Variants in ZNF569 observed in about 807,000 individuals in gnomAD.
The protein encoded by ZNF569 is zinc finger protein 569, also known as DNA-binding protein.
In ZNF569, 38 loss-of-function variants were observed where a neutral mutation model predicts 56.3. That is an observed-to-expected ratio of 0.68 (90% CI 0.52 to 0.88). The LOEUF is 0.88. Among genes scored for constraint, ZNF569 ranks in the 40% least tolerant of loss-of-function variants. The probability of loss-of-function intolerance (pLI) is 0.00; values close to 1 mark genes in which losing one functional copy is unlikely to be tolerated. For synonymous variants in ZNF569, 241 were observed against 262.9 expected, an observed-to-expected ratio of 0.92 and a Z score of 0.81; for missense variants, 666 against 809.2, an observed-to-expected ratio of 0.82 and a Z score of 2.15.
At chr19:37,439,750 G>T (rs762845594) in intron 3 of ZNF569, among the ~76,000 whole-genome samples, 3 of 152,182 alleles carry the variant, frequency 2.0e-5, no homozygotes, top group Non-Finnish European at 4.4e-5. Flanking sequence ...CCTATCATTT[G>T]CAACAACATG....
chr19:37,469,218 C>T, upstream of ZNF569: 4 of 1,315,934 alleles, frequency 3.0e-6, no homozygotes, highest in South Asian at 3.5e-5. Context: ...GTTACAAACC[C>T]TGCGCGGAGC....
intron 3 of ZNF569, among the ~76,000 whole-genome samples, chr19:37,434,229 G>A (rs1374259702): frequency 6.6e-6 from 1 of 151,374 alleles, no homozygotes; most frequent in East Asian, 1.9e-4. Flanking sequence ...GAACCCGGGA[G>A]GCAGAGGTTG....
At chr19:37,441,335 G>C (rs1372893719) in intron 3 of ZNF569, among the ~76,000 whole-genome samples, 1 of 152,184 alleles carries the variant, frequency 6.6e-6, no homozygotes, top group African/African-American at 2.4e-5. Flanking sequence ...CACAGACCCT[G>C]AGTAGGATGA....
chr19:37,426,195 AG>A, intron 4 of ZNF569, 56 bp downstream of exon 4: 1 of 1,541,402 alleles, frequency 6.5e-7, no homozygotes, highest in South Asian at 1.3e-5. Flanking sequence ...AAACACTGGG[AG>A]GAAAAAAAAG....
chr19:37,430,778 T>C (rs2041213012), intron 3 of ZNF569, among the ~76,000 whole-genome samples: 1 of 152,098 alleles, frequency 6.6e-6, no homozygotes, highest in Non-Finnish European at 1.5e-5. Context: ...CTGAGGAGGG[T>C]AGGAAAGACA....
chr19:37,435,733 C>A (rs997164762), intron 3 of ZNF569, among the ~76,000 whole-genome samples: 1 of 151,878 alleles, frequency 6.6e-6, no homozygotes, highest in Non-Finnish European at 1.5e-5. Flanking sequence ...AAGACAAAAA[C>A]TATAAAAAGA....
chr19:37,424,252 G>C (rs7255938), intron 5 of ZNF569, among the ~76,000 whole-genome samples: 2 of 152,042 alleles, frequency 1.3e-5, no homozygotes, highest in African/African-American at 2.4e-5. Flanking sequence ...AATGTCAGTA[G>C]GTTTGATTTA....
intron 5 of ZNF569, among the ~76,000 whole-genome samples, chr19:37,416,220 G>A (rs1276107278): frequency 6.8e-6 from 1 of 148,054 alleles, no homozygotes; most frequent in Non-Finnish European, 1.5e-5. Context: ...GAAAGATTAA[G>A]ACTGTGTGTC....
intron 2 of ZNF569, among the ~76,000 whole-genome samples, chr19:37,463,546 CAAT>C (rs2041786408): frequency 6.6e-6 from 1 of 152,090 alleles, no homozygotes; most frequent in Non-Finnish European, 1.5e-5. Flanking sequence ...TAATACTTGA[CAAT>C]AATAATAAAT....
intron 2 of ZNF569, among the ~76,000 whole-genome samples, chr19:37,458,319 G>A (rs757225803): frequency 3.6e-4 from 55 of 152,086 alleles, no homozygotes; most frequent in Non-Finnish European, 6.5e-4. Context: ...TACCTCATTA[G>A]CTTCATCTTT....
rs141598968 is a variant in ZNF569 at position 37,443,265 on chromosome 19, G to A, written c.15+1642C>T. 6.1e-3 allele frequency among the ~76,000 whole-genome samples: 932 copies of A among 152,288 alleles called. 4 individuals carry two copies. The highest frequency in any genetic ancestry group is 0.01 in the Non-Finnish European group (690 of 68,010). ...GGAGGCTGAGGCAGGAGAATTGCTT[G>A]AACCTGGGAGGCAGAGGTTGCAGTG... On this transcript the variant is annotated intron_variant, in intron 3 of 5. Transcript: ENST00000316950.
At chr19:37,419,832 C>T (rs752267172) in intron 5 of ZNF569, among the ~76,000 whole-genome samples, 3 of 152,002 alleles carry the variant, frequency 2.0e-5, no homozygotes, top group Non-Finnish European at 4.4e-5. Flanking sequence ...TGCTAACAAT[C>T]ATCTGAACCT....
chr19:37,416,310 G>A (rs1358665260), intron 5 of ZNF569, among the ~76,000 whole-genome samples: 1 of 150,268 alleles, frequency 6.7e-6, no homozygotes, highest in Non-Finnish European at 1.5e-5. Flanking sequence ...AACATTATTT[G>A]TCAGAAACAA....
chr19:37,415,992 G>A (rs1224588806), intron 5 of ZNF569, among the ~76,000 whole-genome samples: 1 of 151,972 alleles, frequency 6.6e-6, no homozygotes, highest in Non-Finnish European at 1.5e-5. Flanking sequence ...TAGCACTTTG[G>A]GAGGCTGAGG....
At chr19:37,441,645 G>C (rs1232627403) in intron 3 of ZNF569, among the ~76,000 whole-genome samples, 2 of 151,252 alleles carry the variant, frequency 1.3e-5, no homozygotes, top group African/African-American at 4.9e-5. Flanking sequence ...GACAGAGTAA[G>C]ACCCTGTTTC....
intron 3 of ZNF569, among the ~76,000 whole-genome samples, chr19:37,437,637 G>A (rs2041333368): frequency 6.6e-6 from 1 of 152,110 alleles, no homozygotes; most frequent in Non-Finnish European, 1.5e-5. Flanking sequence ...TAAAGTTGCA[G>A]GATACAAAAT....
At chr19:37,416,266 CA>C (rs945755043) in intron 5 of ZNF569, among the ~76,000 whole-genome samples, 275 of 111,564 alleles carry the variant, frequency 2.5e-3, no homozygotes, top group African/African-American at 5.7e-3. Context: ...AACAAAAAAA[CA>C]AAAAAAAAAA....
At chr19:37,448,801 G>A (rs140371208) in intron 2 of ZNF569, among the ~76,000 whole-genome samples, 2,004 of 152,018 alleles carry the variant, frequency 0.013, 36 homozygotes, top group South Asian at 0.073. Context: ...CTGACCTCGT[G>A]ATCCACCCAC....
chr19:37,411,865 T>C lies in ZNF569; in HGVS notation c.*732A>G, dbSNP rs567769238. The C allele has an allele frequency of 6.6e-6, 1 of 152,296 alleles. No homozygotes were observed. Among genetic ancestry groups the C allele is most frequent in the East Asian group, 1.9e-4 (1 of 5,190 alleles). The allele number at this position is 152,296 out of a possible 1,614,324, so 9.4% of individuals were successfully genotyped here. ...CACTATCTTACTACTGCTTGATTTA[T>C]TCACTTGGTAATACATTGTTTAAAT... On this transcript the variant is annotated 3_prime_UTR_variant, in exon 6 of 6. Transcript: ENST00000316950.
Sources: gnomAD v4.1 joint callset for allele counts (sites outside exome capture counted in the v4.1 genomes callset) on GRCh38, gnomAD v4.1.1 for gene constraint, MANE v1.5 for transcripts, NCBI Gene and HGNC (gene_info 2026-07-23, HGNC 2026-07-21) for gene names.